ARHGEF37: variants seen among roughly 807,000 people sequenced by gnomAD.
ARHGEF37 encodes Rho guanine nucleotide exchange factor 37.
A neutral mutation model predicts 71.1 loss-of-function variants in ARHGEF37; 55 were observed. That is an observed-to-expected ratio of 0.77 (90% CI 0.62 to 0.97). ARHGEF37 has a LOEUF of 0.97. ARHGEF37 is among the 50% of genes least tolerant of loss of function. The pLI is 0.00. For missense variants in ARHGEF37, 765 were observed against 836.8 expected (o/e 0.91, Z 1.06); for synonymous variants, 327 against 350.6 (o/e 0.93, Z 0.75).
At chr5:149,617,633 A>G (rs1752415983) in intron 5 of ARHGEF37, among the ~76,000 whole-genome samples, 1 of 152,194 alleles carries the variant, frequency 6.6e-6, no homozygotes, top group African/African-American at 2.4e-5. Context: ...TTCCTGTCGC[A>G]GAACTGGTAA....
At chr5:149,628,118 G>C (rs1580939966) in intron 11 of ARHGEF37, among the ~76,000 whole-genome samples, 1 of 152,140 alleles carries the variant, frequency 6.6e-6, no homozygotes, top group Non-Finnish European at 1.5e-5. Flanking sequence ...CCACAGAACG[G>C]GTATTAAGCA....
intron 1 of ARHGEF37, among the ~76,000 whole-genome samples, chr5:149,563,186 C>T (rs922010069): frequency 9.2e-5 from 14 of 152,182 alleles, no homozygotes; most frequent in African/African-American, 3.4e-4. Flanking sequence ...GACAATGCTG[C>T]TTATTCCTGC....
exon 1 of ARHGEF37, chr5:149,552,032 G>A (rs915844949): frequency 1.3e-5 from 2 of 152,118 alleles, no homozygotes; most frequent in Admixed American, 6.6e-5. Flanking sequence ...TTCCACAGGA[G>A]GGGAAGAAAG....
At chr5:149,624,900 G>GTTTTT (rs70973533) in intron 10 of ARHGEF37, among the ~76,000 whole-genome samples, 41 of 134,052 alleles carry the variant, frequency 3.1e-4, no homozygotes, top group East Asian at 4.3e-4. Context: ...ATGCTTTTGG[G>GTTTTT]TTTTTTTTTT....
intron 1 of ARHGEF37, among the ~76,000 whole-genome samples, chr5:149,583,756 ATTTG>A (rs774669232): frequency 2.0e-5 from 3 of 152,040 alleles, no homozygotes; most frequent in African/African-American, 7.3e-5. Flanking sequence ...AGGCTGAAGA[ATTTG>A]TTTATTTGTT....
intron 3 of ARHGEF37, among the ~76,000 whole-genome samples, chr5:149,605,643 T>C (rs560677532): frequency 6.6e-6 from 1 of 152,332 alleles, no homozygotes; most frequent in African/African-American, 2.4e-5. Flanking sequence ...CACCTTAAAA[T>C]GATCATGAAA....
chr5:149,568,921 A>AT lies in ARHGEF37; in HGVS notation c.-12+16807dup, dbSNP rs76021776. 3.6e-3 allele frequency among the ~76,000 whole-genome samples: 549 copies of AT among 150,826 alleles called. 3 individuals carry two copies. Among genetic ancestry groups the AT allele is most frequent in the African/African-American group, 9.7e-3 (399 of 41,246 alleles). On this transcript the variant is annotated intron_variant, in intron 1 of 2. Transcript: ENST00000505810. ...CCATTCAGAGATAACAACTGTTCTG[A>AT]TTTTTTTTTATCATAGATTTGTTTT... is the stretch of plus-strand genomic sequence containing the variant.
upstream of ARHGEF37, among the ~76,000 whole-genome samples, chr5:149,580,720 A>G (rs1348705097): frequency 6.6e-6 from 1 of 152,234 alleles, no homozygotes; most frequent in Non-Finnish European, 1.5e-5. Flanking sequence ...TACTACCAGC[A>G]GTAATAATAA....
rs1752629830 is a variant in ARHGEF37, at chr5:149,624,648, C to CTTGTA, written c.1464+508_1464+509insTTGTA. On this transcript the variant is annotated intron_variant, in intron 10 of 12. Transcript: ENST00000333677. ...AATTAGCTGAGCGTGGTGGTGTGCACCTCCCAGCTACTTGGGAGGCTGAGG... is the reference window on the plus strand; with the variant it reads ...AATTAGCTGAGCGTGGTGGTGTGCACTTGTACTCCCAGCTACTTGGGAGGCTGAGG... 1.7e-4 allele frequency among the ~76,000 whole-genome samples: 11 copies of CTTGTA among 63,794 alleles called. No individual in the cohort carries two copies. In the South Asian group the frequency reaches 3.1e-3, roughly 18 times the overall value. 41.9% of individuals were successfully genotyped at this position (63,794 alleles called of 152,430 possible).
chr5:149,565,452 A>G (rs758603259), intron 1 of ARHGEF37, among the ~76,000 whole-genome samples: 9 of 152,232 alleles, frequency 5.9e-5, no homozygotes, highest in East Asian at 1.9e-4. Flanking sequence ...TGGCAGAGCC[A>G]GTTTTCCAGA....
At position 149,597,269 on chromosome 5, in the gene ARHGEF37, A is replaced by ATTT. The variant is rs1006607873; in HGVS notation, c.-11-484_-11-482dup. The stretch of plus-strand genomic sequence containing the variant: ...GTCAAGAATTATCTATTAAAAAAAA[A>ATTT]TTTTTTTTGTAAGAATCTTGCTCTG... On this transcript the variant is annotated intron_variant, in intron 1 of 12. Transcript: ENST00000333677. 3.4e-3 allele frequency among the ~76,000 whole-genome samples: 520 copies of ATTT among 150,978 alleles called. 5 individuals carry two copies. Among genetic ancestry groups the ATTT allele is most frequent in the African/African-American group, 0.012 (493 of 41,098 alleles).
chr5:149,614,052 C>T (rs1001760929), intron 4 of ARHGEF37, among the ~76,000 whole-genome samples: 2 of 152,056 alleles, frequency 1.3e-5, no homozygotes, highest in African/African-American at 4.8e-5. Context: ...GCATGAGCCA[C>T]TGCGCCCAGC....
chr5:149,623,872 G>A (rs747559294), intron 9 of ARHGEF37, 140 bp from the exon 10 acceptor site: 26 of 1,151,916 alleles, frequency 2.3e-5, no homozygotes, highest in Non-Finnish European at 3.0e-5. Flanking sequence ...AAATGCAAGA[G>A]ATCCTGCACA....
chr5:149,614,971 C>G (rs1008998713), intron 4 of ARHGEF37, among the ~76,000 whole-genome samples: 2 of 152,160 alleles, frequency 1.3e-5, no homozygotes, highest in Non-Finnish European at 2.9e-5. Flanking sequence ...TTTCTCCAAT[C>G]TGGGCCTAGG....
chr5:149,558,719 GTGTGTGTGTGTGTGTGTGTA>G (rs1449468389), intron 1 of ARHGEF37, among the ~76,000 whole-genome samples: 9 of 135,958 alleles, frequency 6.6e-5, no homozygotes, highest in African/African-American at 1.9e-4. Flanking sequence ...GTGTGTGTGT[GTGTGTGTGTGTGTGTGTGTA>G]TATATATTTT....
At chr5:149,584,153 A>G (rs1005502000) in intron 1 of ARHGEF37, among the ~76,000 whole-genome samples, 1 of 152,256 alleles carries the variant, frequency 6.6e-6, no homozygotes, top group Non-Finnish European at 1.5e-5. Flanking sequence ...ACTTGTGATG[A>G]CAGAGCCTGG....
intron 1 of ARHGEF37, among the ~76,000 whole-genome samples, chr5:149,554,852 G>C (rs943574198): frequency 1.3e-5 from 2 of 152,056 alleles, no homozygotes. Context: ...AGTCTTTTAG[G>C]CCAGGCACGG....
At chr5:149,561,717 A>G (rs763821071) in intron 1 of ARHGEF37, among the ~76,000 whole-genome samples, 2 of 152,212 alleles carry the variant, frequency 1.3e-5, no homozygotes, top group African/African-American at 2.4e-5. Flanking sequence ...TGTCCCGGCA[A>G]TATTTAGATA....
intron 4 of ARHGEF37, among the ~76,000 whole-genome samples, chr5:149,611,610 C>A (rs760215420): frequency 2.4e-4 from 36 of 152,214 alleles, no homozygotes; most frequent in Admixed American, 3.3e-4. Context: ...CATGAGAGAG[C>A]CATCTTATGT....
Sources: gnomAD v4.1 joint callset for allele counts (sites outside exome capture counted in the v4.1 genomes callset) on GRCh38, gnomAD v4.1.1 for gene constraint, MANE v1.5 for transcripts, NCBI Gene and HGNC (gene_info 2026-07-23, HGNC 2026-07-21) for gene names.